ZNF567: variants seen among roughly 807,000 people sequenced by gnomAD.
ZNF567 encodes zinc finger protein 567.
ZNF567 carries 36 observed loss-of-function variants against 53.9 expected under a neutral mutation model. That is an observed-to-expected ratio of 0.67 (90% confidence interval 0.51 to 0.88). The LOEUF (loss-of-function observed/expected upper bound fraction) is 0.88. ZNF567 is among the 40% of genes least tolerant of loss of function. The probability of loss-of-function intolerance (pLI) is 0.00; values close to 1 mark genes in which losing one functional copy is unlikely to be tolerated. For synonymous variants in ZNF567, 224 were observed against 260.4 expected, an observed-to-expected ratio of 0.86 and a Z score of 1.35; for missense variants, 619 against 764.7, an observed-to-expected ratio of 0.81 and a Z score of 2.25.
At chr19:36,696,066 C>A (rs564342344) in intron 3 of ZNF567, among the ~76,000 whole-genome samples, 1 of 152,250 alleles carries the variant, frequency 6.6e-6, no homozygotes, top group African/African-American at 2.4e-5. Flanking sequence ...TCCAATAACA[C>A]CTTCTTAGTA....
At chr19:36,714,478 C>A in intron 5 of ZNF567, 1 of 398,474 alleles carries the variant, frequency 2.5e-6, no homozygotes, top group Admixed American at 4.4e-5. Context: ...TAATAGATTT[C>A]TTTCAGGCTT....
upstream of ZNF567, among the ~76,000 whole-genome samples, chr19:36,682,791 T>C (rs1236861290): frequency 6.6e-6 from 1 of 151,488 alleles, no homozygotes; most frequent in African/African-American, 2.4e-5. Flanking sequence ...GTATTTTTAG[T>C]AGAGACAGGG....
downstream of ZNF567, among the ~76,000 whole-genome samples, chr19:36,722,042 A>G (rs1266093169): frequency 1.3e-5 from 2 of 151,762 alleles, no homozygotes; most frequent in Non-Finnish European, 1.5e-5. Flanking sequence ...ACGCCTGGCT[A>G]CAACATAAGC....
chr19:36,694,978 C>T (rs949010696), intron 3 of ZNF567, 102 bp downstream of exon 3: 2 of 1,308,940 alleles, frequency 1.5e-6, no homozygotes, highest in Non-Finnish European at 2.0e-6. Flanking sequence ...TCCTACCTAT[C>T]TTTCCCTTCA....
intron 3 of ZNF567, among the ~76,000 whole-genome samples, chr19:36,698,016 T>C (rs1428574541): frequency 6.6e-6 from 1 of 151,648 alleles, no homozygotes; most frequent in Non-Finnish European, 1.5e-5. Flanking sequence ...GCTGGTGTGC[T>C]GCACCCATTA....
intron 1 of ZNF567, 49 bp from the exon 2 acceptor site, chr19:36,689,348 C>T (rs1347425050): frequency 6.7e-6 from 1 of 150,016 alleles, no homozygotes; most frequent in East Asian, 2.0e-4. Flanking sequence ...TGATTAGTTT[C>T]TTCTCTAATT....
chr19:36,719,522 A>C lies in ZNF567; in HGVS notation c.798A>C (p.Ser266=), dbSNP rs1158149618. Residue 266 remains serine (S), a synonymous_variant, in exon 6 of 6, where the codon TCA becomes TCC. Coordinates refer to ENST00000682579, the MANE Select transcript of ZNF567 (RefSeq NM_001322917.1). ...GTGGGAAATCTTTCTGCAGGAAATCAGTATTGATTCTGCATCAGGGAATTC... is the reference window on the plus strand; with the variant it reads ...GTGGGAAATCTTTCTGCAGGAAATCCGTATTGATTCTGCATCAGGGAATTC... ...NECGKSFCRK[S]VLILHQGIHS... is the part of the protein sequence containing the mutation. 1 of 1,613,726 alleles carries C rather than the reference A, an allele frequency of 6.2e-7. No individual in the cohort carries two copies.
downstream of ZNF567, among the ~76,000 whole-genome samples, chr19:36,726,910 C>G (rs1231363739): frequency 1.3e-5 from 2 of 151,712 alleles, no homozygotes; most frequent in Middle Eastern, 3.2e-3. Context: ...TCTAGGTTCC[C>G]TACTCAGCCT....
chr19:36,677,458 CAAAAAAAAAAAA>C, the ZNF567 span, among the ~76,000 whole-genome samples: 1 of 50,914 alleles, frequency 2.0e-5, no homozygotes, highest in Non-Finnish European at 3.7e-5. Flanking sequence ...GACTCTGTCT[CAAAAAAAAAAAA>C]AAAAAAAAAA....
intron 3 of ZNF567, among the ~76,000 whole-genome samples, chr19:36,705,583 G>A (rs918969522): frequency 1.3e-5 from 2 of 152,132 alleles, no homozygotes; most frequent in African/African-American, 4.8e-5. Context: ...TTCTTTTATA[G>A]CACAGAGTAC....
chr19:36,699,354 G>A (rs62112509), intron 3 of ZNF567, among the ~76,000 whole-genome samples: 118 of 152,290 alleles, frequency 7.7e-4, no homozygotes, highest in Non-Finnish European at 1.5e-3. Flanking sequence ...GTCAGGTAGC[G>A]TGATGCCTCC....
At position 36,703,345 on chromosome 19, in the gene ZNF567, G is replaced by C. The variant is rs1431243307; in HGVS notation, c.9+8469G>C. Among the ~76,000 whole-genome samples, 4 of 152,024 alleles carry C rather than the reference G, an allele frequency of 2.6e-5. 1 individual carries two copies. The South Asian group carries it at 6.2e-4, about 24-fold the overall frequency. On this transcript the variant is annotated intron_variant, in intron 3 of 5. Transcript: ENST00000682579. ...TGTCAGTCTGCCCCTACTGGGGGGG[G>C]TGCCTCCCAGTTAGGCTGCTCGGGG...
rs1464525046 is a variant in ZNF567 at position 36,712,659 on chromosome 19, A to G, written c.137-122A>G. ...GATTGTGTCTTCACTTACCCAGTGCAAGGTGCTACCTATATTGTTACACAA... is the reference window on the plus strand; with the variant it reads ...GATTGTGTCTTCACTTACCCAGTGCGAGGTGCTACCTATATTGTTACACAA... On this transcript the variant is annotated intron_variant, in intron 4 of 5. Coordinates refer to ENST00000682579, the MANE Select transcript of ZNF567 (RefSeq NM_001322917.1). 2.2e-6 allele frequency: 3 copies of G among 1,381,652 alleles called. No individual in the cohort carries two copies. In the African/African-American group the frequency reaches 4.3e-5, roughly 20 times the overall value. The allele number at this position is 1,381,652 out of a possible 1,614,324, so 85.6% of individuals were successfully genotyped here. A position where few individuals can be genotyped will look rare whatever the true frequency, so the allele number is the denominator to read the frequency against.
chr19:36,705,032 C>G (rs1231411544), intron 3 of ZNF567, among the ~76,000 whole-genome samples: 3 of 152,106 alleles, frequency 2.0e-5, no homozygotes, highest in Non-Finnish European at 4.4e-5. Flanking sequence ...TTTGTATAAT[C>G]TGTAACAATA....
chr19:36,695,464 G>C (rs761678448), intron 3 of ZNF567, among the ~76,000 whole-genome samples: 10 of 152,132 alleles, frequency 6.6e-5, no homozygotes, highest in Non-Finnish European at 1.2e-4. Context: ...AGGAGGCAGA[G>C]GTTGCAGTGA....
intron 3 of ZNF567, among the ~76,000 whole-genome samples, chr19:36,704,332 A>T (rs1600536165): frequency 6.6e-6 from 1 of 152,138 alleles, no homozygotes; most frequent in Non-Finnish European, 1.5e-5. Flanking sequence ...GAGACAGGAG[A>T]ATCGCTTGAA....
the ZNF567 span, among the ~76,000 whole-genome samples, chr19:36,671,651 C>G: frequency 6.6e-6 from 1 of 152,196 alleles, no homozygotes; most frequent in Non-Finnish European, 1.5e-5. Context: ...GCAGAGGAAT[C>G]ACAGTGCAGG....
chr19:36,722,340 C>T (rs538707599), downstream of ZNF567, among the ~76,000 whole-genome samples: 55 of 152,162 alleles, frequency 3.6e-4, 2 homozygotes, highest in South Asian at 0.011. Context: ...GAGTCTCTAT[C>T]GTCCAGGCTG....
intron 3 of ZNF567, among the ~76,000 whole-genome samples, chr19:36,703,931 C>A (rs1302803369): frequency 6.6e-6 from 1 of 152,218 alleles, no homozygotes; most frequent in Non-Finnish European, 1.5e-5. Flanking sequence ...TGGTGCGCTG[C>A]ACCCACTGTC....
Sources: allele counts gnomAD v4.1 joint callset (sites outside exome capture counted in the v4.1 genomes callset), GRCh38; gene constraint gnomAD v4.1.1; transcripts MANE v1.5; gene names NCBI Gene and HGNC (gene_info 2026-07-23, HGNC 2026-07-21).